The following CYP2C19 variants were observed in gnomAD, a reference collection of about 807,000 sequenced individuals.
CYP2C19 encodes cytochrome P450 2C19.
Under a neutral mutation model 40.9 loss-of-function variants are expected in CYP2C19, and 59 were observed. The ratio of observed to expected loss-of-function variants is 1.44; its 90% CI spans 1.17 to 1.79. CYP2C19 has a LOEUF of 1.79. CYP2C19 is among the 40% of genes most tolerant of loss of function. The probability of loss-of-function intolerance (pLI) is 0.00; values close to 1 mark genes in which losing one functional copy is unlikely to be tolerated. For missense variants in CYP2C19, 754 were observed against 596.9 expected, an observed-to-expected ratio of 1.26 and a Z score of -2.74; for synonymous variants, 253 against 208.7, an observed-to-expected ratio of 1.21 and a Z score of -1.83.
At chr10:94,770,637 C>A (rs1848315843) in intron 1 of CYP2C19, among the ~76,000 whole-genome samples, 1 of 152,154 alleles carries the variant, frequency 6.6e-6, no homozygotes, top group South Asian at 2.1e-4. Flanking sequence ...CTTTTAGGAT[C>A]AATTGACCTT....
chr10:94,809,491 A>G lies in CYP2C19; in HGVS notation c.820-11005A>G, dbSNP rs181046671. ...TTGGTTGGAGTTTTCTAAATCTACA[A>G]TCATGTAATCTGCAAACAGACAAAA... On this transcript the variant is annotated intron_variant, in intron 5 of 8. Coordinates refer to ENST00000371321, the MANE Select transcript of CYP2C19 (RefSeq NM_000769.4). Among the ~76,000 whole-genome samples, 222 of 152,276 alleles carry G rather than the reference A, an allele frequency of 1.5e-3. 3 individuals carry two copies. Among genetic ancestry groups the G allele is most frequent in the Non-Finnish European group, 2.4e-4 (16 of 68,018 alleles).
intron 6 of CYP2C19, among the ~76,000 whole-genome samples, chr10:94,842,005 C>T (rs539249932): frequency 1.3e-5 from 2 of 152,094 alleles, no homozygotes; most frequent in African/African-American, 4.8e-5. Context: ...TCTATTAGAC[C>T]CATTTGGTCT....
intron 5 of CYP2C19, among the ~76,000 whole-genome samples, chr10:94,809,943 A>G (rs534942979): frequency 6.6e-6 from 1 of 152,158 alleles, no homozygotes; most frequent in South Asian, 2.1e-4. Context: ...GTGCAGTGGC[A>G]TTATCTCAGC....
At chr10:94,841,774 T>C (rs1849499042) in intron 6 of CYP2C19, among the ~76,000 whole-genome samples, 1 of 152,198 alleles carries the variant, frequency 6.6e-6, no homozygotes, top group African/African-American at 2.4e-5. Flanking sequence ...GAGCATATTG[T>C]TTAATTTCCA....
At chr10:94,836,600 C>A (rs1395084495) in intron 6 of CYP2C19, among the ~76,000 whole-genome samples, 2 of 152,214 alleles carry the variant, frequency 1.3e-5, no homozygotes, top group Non-Finnish European at 2.9e-5. Context: ...CCACATTCAG[C>A]AGAAACCTGT....
intron 5 of CYP2C19, among the ~76,000 whole-genome samples, chr10:94,796,538 A>C (rs998265852): frequency 6.6e-6 from 1 of 152,080 alleles, no homozygotes; most frequent in Non-Finnish European, 1.5e-5. Flanking sequence ...GAAGAAAGTC[A>C]TTGGTATCTT....
intron 7 of CYP2C19, among the ~76,000 whole-genome samples, chr10:94,847,941 A>C (rs1307328824): frequency 2.6e-5 from 4 of 151,918 alleles, no homozygotes; most frequent in African/African-American, 9.7e-5. Flanking sequence ...TTTTTCTTGT[A>C]AATTTGTTGG....
At chr10:94,779,895 T>C (rs1848460245) in intron 3 of CYP2C19, among the ~76,000 whole-genome samples, 1 of 152,178 alleles carries the variant, frequency 6.6e-6, no homozygotes, top group Non-Finnish European at 1.5e-5. Context: ...ATCTGGGATT[T>C]ACATTTCAAA....
intron 5 of CYP2C19, among the ~76,000 whole-genome samples, chr10:94,783,472 G>A (rs1848503641): frequency 6.6e-6 from 1 of 152,090 alleles, no homozygotes; most frequent in Non-Finnish European, 1.5e-5. Flanking sequence ...GATAAGAATT[G>A]GAATTTGGTA....
chr10:94,830,024 A>C (rs1041532531), intron 6 of CYP2C19, among the ~76,000 whole-genome samples: 11 of 152,192 alleles, frequency 7.2e-5, no homozygotes, highest in Non-Finnish European at 1.6e-4. Flanking sequence ...TCAGATCTCC[A>C]GCTGCATGCT....
In CYP2C19 at chr10:94,820,521, T is replaced by C; in HGVS notation, c.845T>C (p.Phe282Ser). Residue 282 changes from phenylalanine (F) to serine (S), a missense_variant, in exon 6 of 9, where the codon TTC becomes TCC. Phe to Ser is a radical substitution (Grantham distance 155). Coordinates refer to ENST00000371321, the MANE Select transcript of CYP2C19 (RefSeq NM_000769.4). ...EKEKQNQQSE[F>S]TIENLVITAA... Reference sequence around the variant, plus strand: ...GAAAAGCAAAACCAACAGTCTGAATTCACTATTGAAAACTTGGTAATCACT... The same window carrying C: ...GAAAAGCAAAACCAACAGTCTGAATCCACTATTGAAAACTTGGTAATCACT... 6.2e-7 allele frequency: 1 copy of C among 1,614,180 alleles called. No individual in the cohort carries two copies.
intron 7 of CYP2C19, among the ~76,000 whole-genome samples, chr10:94,843,466 G>A (rs980756918): frequency 2.6e-5 from 4 of 152,096 alleles, no homozygotes; most frequent in Non-Finnish European, 5.9e-5. Flanking sequence ...CAGGAATGTT[G>A]TGATTTTGTT....
At chr10:94,826,437 A>T (rs1475267123) in intron 6 of CYP2C19, among the ~76,000 whole-genome samples, 1 of 152,068 alleles carries the variant, frequency 6.6e-6, no homozygotes, top group East Asian at 1.9e-4. Flanking sequence ...ATGGTAGTTC[A>T]CTCATGATTT....
At chr10:94,841,530 C>A (rs893224166) in intron 6 of CYP2C19, among the ~76,000 whole-genome samples, 2 of 152,058 alleles carry the variant, frequency 1.3e-5, no homozygotes, top group Non-Finnish European at 2.9e-5. Context: ...AAGGGGGTTG[C>A]CCTTTGGTTT....
At chr10:94,806,650 G>A (rs1848840211) in intron 5 of CYP2C19, among the ~76,000 whole-genome samples, 1 of 147,120 alleles carries the variant, frequency 6.8e-6, no homozygotes, top group South Asian at 2.1e-4. Context: ...TTATAATAAT[G>A]CAAATGTATA....
chr10:94,846,488 A>G (rs1849574502), intron 7 of CYP2C19, among the ~76,000 whole-genome samples: 1 of 152,088 alleles, frequency 6.6e-6, no homozygotes, highest in African/African-American at 2.4e-5. Flanking sequence ...TTTATGTGTA[A>G]ATGATGAAAA....
At chr10:94,794,162 G>A (rs763985041) in intron 5 of CYP2C19, among the ~76,000 whole-genome samples, 25 of 152,144 alleles carry the variant, frequency 1.6e-4, no homozygotes, top group African/African-American at 5.1e-4. Flanking sequence ...TCTGAGCCAC[G>A]CATGGGATAT....
At chr10:94,845,244 G>A (rs1419855787) in intron 7 of CYP2C19, among the ~76,000 whole-genome samples, 1 of 152,168 alleles carries the variant, frequency 6.6e-6, no homozygotes, top group Non-Finnish European at 1.5e-5. Context: ...TGATGTTTCT[G>A]TTGCAATCCT....
chr10:94,855,070 A>G lies in CYP2C19; in HGVS notation c.*2156A>G, dbSNP rs76354453. ...TGTTTTCCTGCCTATTTCAGCTCCT[A>G]AAGGCTGCCTGCATTCCTTGGCTCA... On this transcript the variant is annotated 3_prime_UTR_variant, in exon 9 of 9. Transcript: ENST00000371321. Among the ~76,000 whole-genome samples the G allele has an allele frequency of 6.0e-4, 92 of 152,246 alleles. No individual in the cohort carries two copies. The East Asian group carries it at 0.015, about 25-fold the overall frequency.
Sources: gnomAD v4.1 joint callset for allele counts (sites outside exome capture counted in the v4.1 genomes callset) on GRCh38, gnomAD v4.1.1 for gene constraint, MANE v1.5 for transcripts, NCBI Gene and HGNC (gene_info 2026-07-23, HGNC 2026-07-21) for gene names.